The following HIVEP1 variants were observed in gnomAD, a reference collection of about 807,000 sequenced individuals.
HIVEP1 encodes HIVEP zinc finger 1, also known as zinc finger protein 40.
HIVEP1 carries 36 observed loss-of-function variants against 180.0 expected under a neutral mutation model. That is an observed-to-expected ratio of 0.20 (90% CI 0.15 to 0.26). The LOEUF is 0.26. Ranked by LOEUF, HIVEP1 falls within the 10% of genes least tolerant of loss-of-function variation. The pLI, the probability that HIVEP1 is intolerant of heterozygous loss-of-function variation, is 1.00. For missense variants in HIVEP1, 3,143 were observed against 3,268.7 expected (o/e 0.96, Z 0.94); for synonymous variants, 1,239 against 1,239.0 (o/e 1.00, Z 0.00).
chr6:12,059,548 T>C (rs1207551333), intron 2 of HIVEP1, among the ~76,000 whole-genome samples: 1 of 152,230 alleles, frequency 6.6e-6, no homozygotes, highest in Non-Finnish European at 1.5e-5. Flanking sequence ...GTCCATGATC[T>C]TGACTGCTTC....
the HIVEP1 span, among the ~76,000 whole-genome samples, chr6:12,205,169 G>T: frequency 1.3e-5 from 2 of 152,258 alleles, no homozygotes; most frequent in South Asian, 4.1e-4. Flanking sequence ...TGGGAAGCCA[G>T]TAAAAAAATT....
chr6:12,093,026 T>G (rs887670863), intron 3 of HIVEP1, among the ~76,000 whole-genome samples: 2 of 152,172 alleles, frequency 1.3e-5, no homozygotes, highest in Non-Finnish European at 2.9e-5. Flanking sequence ...TTCCTGTGAT[T>G]GGCTGAAAAG....
chr6:12,089,825 CAA>C (rs1465628649), intron 3 of HIVEP1, among the ~76,000 whole-genome samples: 2 of 151,760 alleles, frequency 1.3e-5, no homozygotes, highest in Non-Finnish European at 2.9e-5. Context: ...TGAAAACTAA[CAA>C]AGTCAAGTGT....
chr6:12,177,827 A>G, the HIVEP1 span, among the ~76,000 whole-genome samples: 1 of 152,224 alleles, frequency 6.6e-6, no homozygotes, highest in Non-Finnish European at 1.5e-5. Context: ...GTCAGTATTC[A>G]AAGTACTTCA....
chr6:12,079,113 G>A (rs1772594604), intron 2 of HIVEP1, among the ~76,000 whole-genome samples: 1 of 152,122 alleles, frequency 6.6e-6, no homozygotes. Context: ...AGTGGGAAGA[G>A]GAAACCAATG....
chr6:12,023,276 T>TA (rs199609040), intron 2 of HIVEP1, among the ~76,000 whole-genome samples: 1,772 of 152,368 alleles, frequency 0.012, 31 homozygotes, highest in African/African-American at 0.039. Flanking sequence ...AATAAAATCT[T>TA]ACGTTTACTT....
At chr6:12,014,880 G>C (rs891597691) in intron 1 of HIVEP1, among the ~76,000 whole-genome samples, 2 of 152,234 alleles carry the variant, frequency 1.3e-5, no homozygotes, top group Non-Finnish European at 2.9e-5. Flanking sequence ...GGGTTAGCCA[G>C]AGCTGACTTT....
intron 2 of HIVEP1, among the ~76,000 whole-genome samples, chr6:12,047,349 C>T (rs544342417): frequency 1.3e-5 from 2 of 152,168 alleles, no homozygotes; most frequent in African/African-American, 2.4e-5. Context: ...CAGTTTTAAA[C>T]GACTGGAGAC....
the HIVEP1 span, among the ~76,000 whole-genome samples, chr6:12,198,613 G>A: frequency 5.3e-5 from 8 of 152,156 alleles, no homozygotes; most frequent in Non-Finnish European, 1.0e-4. Flanking sequence ...AAGGTGACAG[G>A]TGCTACAGGG....
At chr6:12,043,781 C>T (rs911913940) in intron 2 of HIVEP1, among the ~76,000 whole-genome samples, 2 of 152,216 alleles carry the variant, frequency 1.3e-5, no homozygotes, top group African/African-American at 4.8e-5. Context: ...CGCTGATCAG[C>T]GTCCCCTTGC....
chr6:12,069,601 T>C lies in HIVEP1; in HGVS notation c.41-19583T>C, dbSNP rs576119116. ...GTGGGGGGAGGGGGGAGGGATAGCA[T>C]TGGGAGATATACCTAATGCTAGATG... On this transcript the variant is annotated intron_variant, in intron 2 of 8. Coordinates refer to ENST00000379388, the MANE Select transcript of HIVEP1 (RefSeq NM_002114.4). Among the ~76,000 whole-genome samples the C allele has an allele frequency of 2.8e-3, 406 of 146,660 alleles. 1 individual carries two copies. Among genetic ancestry groups the C allele is most frequent in the Middle Eastern group, 0.014 (4 of 290 alleles).
intron 3 of HIVEP1, among the ~76,000 whole-genome samples, chr6:12,089,757 C>A (rs1466691156): frequency 6.6e-6 from 1 of 151,960 alleles, no homozygotes; most frequent in Admixed American, 6.6e-5. Context: ...ATGGTGATAA[C>A]TTATCAAATA....
chr6:12,089,722 G>A (rs1773339467), intron 3 of HIVEP1, among the ~76,000 whole-genome samples: 3 of 151,796 alleles, frequency 2.0e-5, no homozygotes, highest in Admixed American at 2.0e-4. Flanking sequence ...ACGCAGCTTT[G>A]AAAAAGTGTT....
intron 7 of HIVEP1, among the ~76,000 whole-genome samples, chr6:12,145,237 A>T (rs1272650284): frequency 6.6e-6 from 1 of 152,186 alleles, no homozygotes; most frequent in Non-Finnish European, 1.5e-5. Context: ...ATGCAGCTGG[A>T]AATCATCATT....
At chr6:12,046,876 T>TGTGTGTGTGTGTGTGTGTGTGTGTGTG (rs1561885761) in intron 2 of HIVEP1, among the ~76,000 whole-genome samples, 2 of 150,926 alleles carry the variant, frequency 1.3e-5, no homozygotes, top group African/African-American at 4.9e-5. Flanking sequence ...TGTGTGTGTG[T>TGTGTGTGTGTGTGTGTGTGTGTGTGTG]TTGAGATGGA....
chr6:12,011,278 C>G (rs1272449071), upstream of HIVEP1, among the ~76,000 whole-genome samples: 2 of 103,436 alleles, frequency 1.9e-5, no homozygotes, highest in Non-Finnish European at 4.2e-5. Flanking sequence ...GGTCCCCCCC[C>G]CCCCCCGCCT....
intron 2 of HIVEP1, among the ~76,000 whole-genome samples, chr6:12,055,241 A>G (rs539841770): frequency 9.5e-4 from 145 of 152,344 alleles, no homozygotes; most frequent in African/African-American, 3.4e-3. Flanking sequence ...TTGGGAGGCC[A>G]AGGCGGACGA....
intron 2 of HIVEP1, among the ~76,000 whole-genome samples, chr6:12,066,844 G>A (rs1391602962): frequency 1.3e-5 from 2 of 149,978 alleles, no homozygotes; most frequent in African/African-American, 4.9e-5. Context: ...ATGGGATGGT[G>A]GATATATTTC....
chr6:12,076,613 G>A (rs939264667), intron 2 of HIVEP1, among the ~76,000 whole-genome samples: 2 of 152,134 alleles, frequency 1.3e-5, no homozygotes, highest in Non-Finnish European at 1.5e-5. Context: ...GCTGAAGAGC[G>A]GAAGAGAGTA....
Sources: gnomAD v4.1 joint callset for allele counts (sites outside exome capture counted in the v4.1 genomes callset) on GRCh38, gnomAD v4.1.1 for gene constraint, MANE v1.5 for transcripts, NCBI Gene and HGNC (gene_info 2026-07-23, HGNC 2026-07-21) for gene names.